NEBL: variants seen among roughly 807,000 people sequenced by gnomAD.
The protein encoded by NEBL is nebulette.
In NEBL, 122 loss-of-function variants were observed where a neutral mutation model predicts 140.2. The ratio of observed to expected loss-of-function variants is 0.87; its 90% CI spans 0.75 to 1.01. NEBL has a LOEUF of 1.01. Ranked by LOEUF, NEBL falls within the 50% of genes least tolerant of loss-of-function variation. The pLI, the probability that NEBL is intolerant of heterozygous loss-of-function variation, is 0.00. For missense variants in NEBL, 1,365 were observed against 1,231.3 expected (o/e 1.11, Z -1.62); for synonymous variants, 436 against 398.9 (o/e 1.09, Z -1.11).
chr10:21,224,137 A>G (rs1015409509), intron 3 of NEBL, among the ~76,000 whole-genome samples: 6 of 152,190 alleles, frequency 3.9e-5, no homozygotes, highest in African/African-American at 1.4e-4. Flanking sequence ...TAGTAGTTTC[A>G]TAGTTAGAGA....
intron 3 of NEBL, chr10:21,020,067 G>A: frequency 6.8e-7 from 1 of 1,477,852 alleles, no homozygotes; most frequent in Non-Finnish European, 9.5e-7. Context: ...GAGCAGCCTT[G>A]TGAAAAATCT....
At chr10:21,080,320 T>C (rs1474897797) in intron 2 of NEBL, among the ~76,000 whole-genome samples, 1 of 152,256 alleles carries the variant, frequency 6.6e-6, no homozygotes, top group African/African-American at 2.4e-5. Flanking sequence ...TCTTTTGATA[T>C]TGCATTCCGT....
intron 1 of NEBL, among the ~76,000 whole-genome samples, chr10:21,264,695 TTA>T: frequency 1.1e-5 from 1 of 90,510 alleles, no homozygotes; most frequent in Non-Finnish European, 2.1e-5. Flanking sequence ...CAGTTGCTAT[TTA>T]AAAAAAAAAA....
At chr10:21,058,562 T>TA (rs200226927) in intron 2 of NEBL, among the ~76,000 whole-genome samples, 13 of 150,310 alleles carry the variant, frequency 8.6e-5, no homozygotes, top group East Asian at 7.9e-4. Context: ...TGTAGTGTAT[T>TA]AAAAAAAAAC....
chr10:21,029,387 C>T lies in NEBL; in HGVS notation c.165-9186G>A. The T allele has an allele frequency of 3.1e-6, 5 of 1,611,398 alleles. No homozygotes were observed. The South Asian group carries it at 5.5e-5, about 18-fold the overall frequency. ...AGTGCAGTGCGTTTACCACGTGAAC[C>T]CAGCAATCCAGAGAGGTTGAAAGGT... is the stretch of plus-strand genomic sequence containing the variant. On this transcript the variant is annotated intron_variant, in intron 2 of 6. Coordinates refer to the NEBL transcript ENST00000417816.
At chr10:21,099,116 G>A (rs1181299417) in intron 2 of NEBL, among the ~76,000 whole-genome samples, 1 of 152,152 alleles carries the variant, frequency 6.6e-6, no homozygotes, top group East Asian at 1.9e-4. Context: ...CTGGGTAACA[G>A]AGAAAGACCC....
intron 1 of NEBL, among the ~76,000 whole-genome samples, chr10:21,290,802 C>A (rs565234034): frequency 6.6e-6 from 1 of 152,194 alleles, no homozygotes; most frequent in Non-Finnish European, 1.5e-5. Context: ...AGTACCTACA[C>A]CCCCCATTTC....
upstream of NEBL, among the ~76,000 whole-genome samples, chr10:20,901,263 G>T (rs1271844158): frequency 2.6e-5 from 4 of 152,110 alleles, no homozygotes; most frequent in Non-Finnish European, 5.9e-5. Flanking sequence ...TTGATAGCTT[G>T]ATGTTTACAC....
chr10:20,787,593 T>G (rs1398545714), intron 26 of NEBL, among the ~76,000 whole-genome samples: 1 of 152,138 alleles, frequency 6.6e-6, no homozygotes. Flanking sequence ...AAACAAAAAT[T>G]TTTCATACTC....
At chr10:21,100,193 C>T (rs1310531465) in intron 2 of NEBL, among the ~76,000 whole-genome samples, 12 of 152,156 alleles carry the variant, frequency 7.9e-5, no homozygotes, top group Admixed American at 7.2e-4. Flanking sequence ...TGATCACCCC[C>T]TTTTAATTCT....
At chr10:21,145,077 A>G (rs1294732187) in intron 2 of NEBL, among the ~76,000 whole-genome samples, 3 of 152,216 alleles carry the variant, frequency 2.0e-5, no homozygotes, top group African/African-American at 7.2e-5. Flanking sequence ...CAAGAAACCA[A>G]AAATAACACA....
intron 4 of NEBL, among the ~76,000 whole-genome samples, chr10:20,941,670 T>C (rs1313830838): frequency 1.3e-5 from 2 of 151,622 alleles, no homozygotes; most frequent in Non-Finnish European, 2.9e-5. Context: ...GACATGATTG[T>C]ATATCTAGAA....
chr10:20,825,830 C>T (rs1024811568), intron 18 of NEBL, among the ~76,000 whole-genome samples: 26 of 152,078 alleles, frequency 1.7e-4, no homozygotes, highest in Admixed American at 1.3e-3. Context: ...AAGAGGACCC[C>T]TCCCCCCAGT....
intron 3 of NEBL, among the ~76,000 whole-genome samples, chr10:21,224,659 T>C (rs1418071284): frequency 3.3e-5 from 5 of 152,236 alleles, no homozygotes; most frequent in Non-Finnish European, 7.3e-5. Flanking sequence ...TCCACTGTTT[T>C]GTGTCCTTTT....
rs1588580936 is a variant in NEBL, at chr10:21,267,213, T to C, written n.183-15385A>G. Among the ~76,000 whole-genome samples, 8 of 152,252 alleles carry C rather than the reference T, an allele frequency of 5.3e-5. No individual in the cohort carries two copies. The South Asian group carries it at 1.7e-3, about 32-fold the overall frequency. On this transcript the variant is annotated intron_variant and non_coding_transcript_variant, in intron 1 of 8. Coordinates refer to the NEBL transcript ENST00000675702. Reference sequence around the variant, plus strand: ...CCAGTCTCAAACTCCTGACCTCAGGTGATCCGCCCACCTCGGCCTCCCAAA... The same window carrying C: ...CCAGTCTCAAACTCCTGACCTCAGGCGATCCGCCCACCTCGGCCTCCCAAA...
At chr10:21,037,810 A>C (rs3858204) in intron 2 of NEBL, among the ~76,000 whole-genome samples, 2 of 122,168 alleles carry the variant, frequency 1.6e-5, no homozygotes, top group Admixed American at 8.9e-5. Context: ...CACTCCCCTA[A>C]TGAAGAGTAG....
At chr10:20,836,371 C>T (rs112547163) in intron 13 of NEBL, among the ~76,000 whole-genome samples, 3,267 of 152,030 alleles carry the variant, frequency 0.021, 130 homozygotes, top group African/African-American at 0.075. Flanking sequence ...TACAGGCATG[C>T]GCCACCACAT....
At chr10:20,904,044 GAAC>G (rs35388534) in intron 4 of NEBL, among the ~76,000 whole-genome samples, 82,844 of 151,306 alleles carry the variant, frequency 0.55, 23,956 homozygotes, top group Non-Finnish European at 0.63. Flanking sequence ...CATAGCAAGA[GAAC>G]AACTAGTAAT....
At position 20,840,867 on chromosome 10, in the gene NEBL, CA is replaced by C. The variant is rs1189343340; in HGVS notation, c.1228-19del. 7.1e-7 allele frequency: 1 copy of C among 1,408,866 alleles called. No homozygotes were observed. The highest frequency in any genetic ancestry group is 1.4e-5 in the African/African-American group (1 of 70,816). The allele number at this position is 1,408,866 out of a possible 1,614,324, so 87.3% of individuals were successfully genotyped here. On this transcript the variant is annotated intron_variant, in intron 12 of 27. Transcript: ENST00000377122. ...TATTCTTTCTATGAGACAAGAATAT[CA>C]CAGTTCAAAACTTAGCAGGAATCAC...
Sources: allele counts gnomAD v4.1 joint callset (sites outside exome capture counted in the v4.1 genomes callset), GRCh38; gene constraint gnomAD v4.1.1; transcripts MANE v1.5; gene names NCBI Gene and HGNC (gene_info 2026-07-23, HGNC 2026-07-21).